Variants in MLLT10 observed in about 807,000 individuals in gnomAD.
MLLT10 encodes protein AF-10.
Under a neutral mutation model 129.1 loss-of-function variants are expected in MLLT10, and 30 were observed. The ratio of observed to expected loss-of-function variants is 0.23; its 90% confidence interval spans 0.17 to 0.32. The LOEUF (loss-of-function observed/expected upper bound fraction) is 0.32. Among genes scored for constraint, MLLT10 ranks in the 10% least tolerant of loss-of-function variants. MLLT10 has a pLI of 1.00. For missense variants in MLLT10, 1,119 were observed against 1,268.3 expected (o/e 0.88, Z 1.79); for synonymous variants, 490 against 446.4 (o/e 1.10, Z -1.23).
At chr10:21,712,073 T>C (rs565534654) in intron 13 of MLLT10, among the ~76,000 whole-genome samples, 5 of 152,182 alleles carry the variant, frequency 3.3e-5, no homozygotes, top group African/African-American at 9.7e-5. Context: ...TCTGGAGAAA[T>C]TGTAGATATA....
chr10:21,650,029 ACT>A (rs1317007292), intron 8 of MLLT10, among the ~76,000 whole-genome samples: 1 of 152,078 alleles, frequency 6.6e-6, no homozygotes, highest in African/African-American at 2.4e-5. Flanking sequence ...AGCCGAGAAC[ACT>A]CTGGGCAACA....
intron 13 of MLLT10, among the ~76,000 whole-genome samples, chr10:21,682,749 G>A (rs2052874134): frequency 6.6e-6 from 1 of 152,152 alleles, no homozygotes; most frequent in Non-Finnish European, 1.5e-5. Flanking sequence ...TTTTACAGTG[G>A]AGTTGTATCT....
chr10:21,567,615 G>T (rs1274082242), intron 3 of MLLT10, among the ~76,000 whole-genome samples: 2 of 152,094 alleles, frequency 1.3e-5, no homozygotes, highest in Non-Finnish European at 2.9e-5. Context: ...ACACTACCTG[G>T]TGGGAATCTT....
At chr10:21,541,035 C>G (rs2035057229) in intron 3 of MLLT10, among the ~76,000 whole-genome samples, 1 of 152,088 alleles carries the variant, frequency 6.6e-6, no homozygotes, top group East Asian at 1.9e-4. Context: ...TGGTGTGCAC[C>G]TGTAATGCCA....
chr10:21,683,098 T>G (rs2052913807), intron 13 of MLLT10, among the ~76,000 whole-genome samples: 1 of 152,218 alleles, frequency 6.6e-6, no homozygotes, highest in Non-Finnish European at 1.5e-5. Flanking sequence ...TGCAGTCGAT[T>G]TGTGTTGCGT....
At chr10:21,676,357 G>T in intron 11 of MLLT10, among the ~76,000 whole-genome samples, 1 of 151,682 alleles carries the variant, frequency 6.6e-6, no homozygotes, top group East Asian at 1.9e-4. Flanking sequence ...GGCAGAGCTC[G>T]CAGTGAGCAG....
At chr10:21,733,698 T>C in intron 19 of MLLT10, 70 bp from the exon 20 acceptor site, 1 of 1,526,062 alleles carries the variant, frequency 6.6e-7, no homozygotes. Flanking sequence ...TCTTTAAACT[T>C]AGTTTCTCTT....
At chr10:21,733,309 C>T (rs1388029085) in intron 18 of MLLT10, among the ~76,000 whole-genome samples, 195 bp from the exon 19 acceptor site, 1 of 151,884 alleles carries the variant, frequency 6.6e-6, no homozygotes, top group Non-Finnish European at 1.5e-5. Flanking sequence ...CTAATGATCT[C>T]GTTATTGATT....
At chr10:21,730,079 G>T (rs1472707040) in intron 16 of MLLT10, among the ~76,000 whole-genome samples, 1 of 152,020 alleles carries the variant, frequency 6.6e-6, no homozygotes, top group African/African-American at 2.4e-5. Flanking sequence ...ACTAAGCTGG[G>T]CAACATGGTG....
intron 8 of MLLT10, among the ~76,000 whole-genome samples, chr10:21,641,433 A>G (rs1436690771): frequency 6.6e-6 from 1 of 152,206 alleles, no homozygotes; most frequent in East Asian, 1.9e-4. Flanking sequence ...TTAAACACCA[A>G]AGGCAGATTT....
At chr10:21,680,548 TA>T (rs1564635678) in intron 11 of MLLT10, among the ~76,000 whole-genome samples, 1 of 152,182 alleles carries the variant, frequency 6.6e-6, no homozygotes, top group Non-Finnish European at 1.5e-5. Context: ...GAATATAACT[TA>T]ATGAGTTTTA....
At chr10:21,546,830 C>T (rs965920475) in intron 3 of MLLT10, among the ~76,000 whole-genome samples, 1 of 151,670 alleles carries the variant, frequency 6.6e-6, no homozygotes, top group African/African-American at 2.4e-5. Flanking sequence ...CGGGTTCAAG[C>T]GATTGTCCTG....
chr10:21,650,521 T>C lies in MLLT10; in HGVS notation c.700-1152T>C, dbSNP rs16921881. 9.8e-3 allele frequency among the ~76,000 whole-genome samples: 1,495 copies of C among 152,126 alleles called. 36 individuals are homozygous for C. The highest frequency in any genetic ancestry group is 0.034 in the African/African-American group (1,429 of 41,506). ...ACATCTGTCTTTAATTTGTATGCAT[T>C]GTGTTCTGCTTGTATGTAAACCTTT... On this transcript the variant is annotated intron_variant, in intron 8 of 22. Transcript: ENST00000307729.
chr10:21,731,904 A>G (rs565998725), intron 17 of MLLT10, among the ~76,000 whole-genome samples: 2 of 152,170 alleles, frequency 1.3e-5, no homozygotes, highest in Non-Finnish European at 2.9e-5. Context: ...TTGGCTAGCT[A>G]AGTGCCATAA....
chr10:21,577,647 T>G (rs1333003920), intron 3 of MLLT10, among the ~76,000 whole-genome samples: 1 of 151,846 alleles, frequency 6.6e-6, no homozygotes, highest in Non-Finnish European at 1.5e-5. Flanking sequence ...AATTTTTGTA[T>G]TTTTGTAGAG....
At chr10:21,566,331 AC>A (rs1564423369) in intron 3 of MLLT10, among the ~76,000 whole-genome samples, 1 of 133,820 alleles carries the variant, frequency 7.5e-6, no homozygotes, top group African/African-American at 2.8e-5. Flanking sequence ...ACTCCCCCCC[AC>A]CCCCTTTTTT....
At chr10:21,598,387 G>T (rs1217634420) in intron 5 of MLLT10, among the ~76,000 whole-genome samples, 1 of 152,066 alleles carries the variant, frequency 6.6e-6, no homozygotes, top group Admixed American at 6.6e-5. Context: ...TGTTATTCCT[G>T]CTGTAGTTCT....
intron 15 of MLLT10, among the ~76,000 whole-genome samples, chr10:21,726,692 T>A (rs2057540305): frequency 6.8e-6 from 1 of 146,150 alleles, no homozygotes. Context: ...TTTTTTTTTT[T>A]TTTTTTTTTT....
intron 9 of MLLT10, among the ~76,000 whole-genome samples, chr10:21,670,054 C>T (rs1166937711): frequency 6.6e-6 from 1 of 151,906 alleles, no homozygotes; most frequent in East Asian, 1.9e-4. Context: ...TTGTCACCTT[C>T]CTGTGTTGAA....
Sources: gnomAD v4.1 joint callset for allele counts (sites outside exome capture counted in the v4.1 genomes callset) on GRCh38, gnomAD v4.1.1 for gene constraint, MANE v1.5 for transcripts, NCBI Gene and HGNC (gene_info 2026-07-23, HGNC 2026-07-21) for gene names.